The following IGSF11 variants were observed in gnomAD, a reference collection of about 807,000 sequenced individuals.
IGSF11 encodes CXADR like 1.
A neutral mutation model predicts 41.0 loss-of-function variants in IGSF11; 22 were observed. That is an observed-to-expected ratio of 0.54 (90% CI 0.38 to 0.77). The LOEUF (loss-of-function observed/expected upper bound fraction) is 0.77, where lower values mean the gene tolerates loss of function less well. Among genes scored for constraint, IGSF11 ranks in the 30% least tolerant of loss-of-function variants. The pLI is 0.00. For missense variants in IGSF11, 444 were observed against 530.8 expected, an observed-to-expected ratio of 0.84 and a Z score of 1.61; for synonymous variants, 219 against 201.3, an observed-to-expected ratio of 1.09 and a Z score of -0.74.
At chr3:119,101,590 T>C (rs2076941473) in intron 1 of IGSF11, among the ~76,000 whole-genome samples, 1 of 152,184 alleles carries the variant, frequency 6.6e-6, no homozygotes, top group Non-Finnish European at 1.5e-5. Context: ...ATAAAATGTA[T>C]CCTTCCTTCC....
intron 1 of IGSF11, among the ~76,000 whole-genome samples, chr3:118,993,499 T>C (rs573115232): frequency 6.6e-6 from 1 of 152,328 alleles, no homozygotes; most frequent in East Asian, 1.9e-4. Flanking sequence ...CAATTCCACC[T>C]TTAGTTATAT....
intron 1 of IGSF11, among the ~76,000 whole-genome samples, chr3:119,061,951 G>C (rs1942066255): frequency 6.6e-6 from 1 of 151,958 alleles, no homozygotes; most frequent in South Asian, 2.1e-4. Flanking sequence ...AATGATAAAA[G>C]GTTTGCTTAA....
chr3:119,121,142 T>A (rs56337924), intron 1 of IGSF11, among the ~76,000 whole-genome samples: 1 of 151,956 alleles, frequency 6.6e-6, no homozygotes, highest in East Asian at 1.9e-4. Flanking sequence ...CAGCTTTCAA[T>A]GAAAAATTAT....
At chr3:118,953,391 T>C (rs181046550) in intron 1 of IGSF11, among the ~76,000 whole-genome samples, 17 of 152,328 alleles carry the variant, frequency 1.1e-4, no homozygotes, top group African/African-American at 4.1e-4. Flanking sequence ...TAATGACTTC[T>C]TTTCCTCTGG....
chr3:118,970,331 T>C (rs1006868790), intron 1 of IGSF11, among the ~76,000 whole-genome samples: 7 of 152,142 alleles, frequency 4.6e-5, no homozygotes, highest in African/African-American at 1.7e-4. Flanking sequence ...GGAGAGACAC[T>C]GATTAAAACT....
intron 4 of IGSF11, among the ~76,000 whole-genome samples, chr3:118,913,857 C>A (rs1335531943): frequency 3.3e-5 from 5 of 152,078 alleles, no homozygotes; most frequent in Non-Finnish European, 7.4e-5. Context: ...AAGAAAATAA[C>A]TAAAATGCAG....
At chr3:118,982,161 G>A (rs1009562182) in intron 1 of IGSF11, among the ~76,000 whole-genome samples, 2 of 152,130 alleles carry the variant, frequency 1.3e-5, no homozygotes, top group African/African-American at 4.8e-5. Context: ...AGGTTAGACT[G>A]TCCACCGGGA....
intron 1 of IGSF11, among the ~76,000 whole-genome samples, chr3:118,993,747 C>G (rs1936010936): frequency 6.6e-6 from 1 of 152,014 alleles, no homozygotes. Context: ...GTGAAAGAAG[C>G]CAGTCACAAA....
intron 1 of IGSF11, among the ~76,000 whole-genome samples, chr3:119,096,654 C>T (rs1323618688): frequency 6.6e-6 from 1 of 152,140 alleles, no homozygotes; most frequent in Non-Finnish European, 1.5e-5. Context: ...TGAAAGTGCA[C>T]CTTTTCTTTA....
At chr3:119,052,745 G>A (rs71325361) in intron 1 of IGSF11, among the ~76,000 whole-genome samples, 2,482 of 150,918 alleles carry the variant, frequency 0.016, 79 homozygotes, top group African/African-American at 0.057. Flanking sequence ...AAAAATCCTC[G>A]ACAAAATACT....
At chr3:118,980,105 A>G (rs1346842848) in intron 1 of IGSF11, among the ~76,000 whole-genome samples, 1 of 152,180 alleles carries the variant, frequency 6.6e-6, no homozygotes, top group African/African-American at 2.4e-5. Flanking sequence ...CAATATGGAC[A>G]TTCAAAAAAC....
intron 1 of IGSF11, among the ~76,000 whole-genome samples, chr3:119,003,869 A>T (rs1048869867): frequency 6.7e-6 from 1 of 149,260 alleles, no homozygotes; most frequent in African/African-American, 2.5e-5. Flanking sequence ...GTTTGCCAGT[A>T]TTTTATTGAG....
intron 1 of IGSF11, among the ~76,000 whole-genome samples, chr3:118,974,964 A>C (rs1384828591): frequency 6.6e-6 from 1 of 152,146 alleles, no homozygotes; most frequent in Non-Finnish European, 1.5e-5. Context: ...AACATATCTC[A>C]GTTTCTATCA....
intron 1 of IGSF11, among the ~76,000 whole-genome samples, chr3:119,043,618 GC>G: frequency 6.6e-6 from 1 of 152,228 alleles, no homozygotes; most frequent in Non-Finnish European, 1.5e-5. Flanking sequence ...AAACTTGGTT[GC>G]AAAAAACTGC....
chr3:119,138,597 A>C (rs2077595743), intron 1 of IGSF11, among the ~76,000 whole-genome samples: 1 of 152,184 alleles, frequency 6.6e-6, no homozygotes, highest in Non-Finnish European at 1.5e-5. Context: ...AGGCCTGAGA[A>C]TCGCTTGAAC....
intron 1 of IGSF11, among the ~76,000 whole-genome samples, chr3:119,135,525 G>A (rs539587337): frequency 8.5e-5 from 13 of 152,196 alleles, no homozygotes; most frequent in Admixed American, 2.0e-4. Context: ...ATCATCTCAC[G>A]CAGGTTAGAA....
chr3:119,042,525 TGATG>T (rs1941157300), intron 1 of IGSF11, among the ~76,000 whole-genome samples: 1 of 152,176 alleles, frequency 6.6e-6, no homozygotes, highest in East Asian at 1.9e-4. Flanking sequence ...GTGACCTGTA[TGATG>T]CAGCAGAGGC....
chr3:118,960,341 G>C (rs763351201), intron 1 of IGSF11, among the ~76,000 whole-genome samples: 1 of 152,046 alleles, frequency 6.6e-6, no homozygotes, highest in African/African-American at 2.4e-5. Flanking sequence ...CAGAGAAATT[G>C]TTCATCAAAA....
intron 1 of IGSF11, among the ~76,000 whole-genome samples, chr3:119,053,300 T>C (rs185915828): frequency 9.2e-5 from 14 of 152,142 alleles, no homozygotes; most frequent in Admixed American, 2.6e-4. Context: ...ATAGGATAAA[T>C]GAATTCAGTA....
Sources: gnomAD v4.1 joint callset for allele counts (sites outside exome capture counted in the v4.1 genomes callset) on GRCh38, gnomAD v4.1.1 for gene constraint, MANE v1.5 for transcripts, NCBI Gene and HGNC (gene_info 2026-07-23, HGNC 2026-07-21) for gene names.